Variants in PIAS2 observed in about 807,000 individuals in gnomAD.
PIAS2 encodes E3 SUMO-protein ligase PIAS2.
In PIAS2, 19 loss-of-function variants were observed where a neutral mutation model predicts 69.7. That is an observed-to-expected ratio of 0.27 (90% confidence interval 0.19 to 0.40). The LOEUF is 0.40. Ranked by LOEUF, PIAS2 falls within the 10% of genes least tolerant of loss-of-function variation. The pLI is 1.00. For missense variants in PIAS2, 624 were observed against 757.0 expected, an observed-to-expected ratio of 0.82 and a Z score of 2.06; for synonymous variants, 261 against 263.2, an observed-to-expected ratio of 0.99 and a Z score of 0.08.
intron 12 of PIAS2, chr18:46,816,509 GCT>G (rs2041560640): frequency 1.1e-6 from 1 of 901,950 alleles, no homozygotes; most frequent in Admixed American, 6.2e-5. Context: ...CACTGAGTCT[GCT>G]CTGTTGCCCA....
intron 1 of PIAS2, among the ~76,000 whole-genome samples, chr18:46,911,461 C>G (rs528794860): frequency 3.5e-4 from 53 of 152,120 alleles, no homozygotes; most frequent in Non-Finnish European, 5.3e-4. Context: ...GGCGATCCGC[C>G]TGCCTGGGCC....
intron 11 of PIAS2, among the ~76,000 whole-genome samples, chr18:46,824,025 G>A (rs1258384178): frequency 6.6e-6 from 1 of 152,194 alleles, no homozygotes; most frequent in Non-Finnish European, 1.5e-5. Context: ...ACTTGTTACT[G>A]CCTCTTCATA....
intron 1 of PIAS2, chr18:46,905,898 T>C (rs1283533013): frequency 1.3e-5 from 2 of 152,138 alleles, no homozygotes; most frequent in Admixed American, 6.5e-5. Context: ...AAAAGGTATA[T>C]TTTTTAACTA....
chr18:46,913,321 A>T (rs2057458411), intron 1 of PIAS2, among the ~76,000 whole-genome samples: 1 of 152,178 alleles, frequency 6.6e-6, no homozygotes, highest in Non-Finnish European at 1.5e-5. Context: ...AGAATTACTT[A>T]GGCTTCTTAG....
chr18:46,917,085 G>T (rs1328093435), intron 1 of PIAS2: 3 of 989,032 alleles, frequency 3.0e-6, no homozygotes, highest in Non-Finnish European at 3.6e-6. Flanking sequence ...ACCACTGGCA[G>T]CACTCAGGAG....
At chr18:46,861,889 T>C (rs888776768) in intron 3 of PIAS2, among the ~76,000 whole-genome samples, 1 of 152,148 alleles carries the variant, frequency 6.6e-6, no homozygotes, top group Non-Finnish European at 1.5e-5. Flanking sequence ...CTGAATAAAG[T>C]CTGTAGTTAA....
chr18:46,898,494 ACTCT>A (rs770372839), intron 1 of PIAS2, among the ~76,000 whole-genome samples: 1 of 152,102 alleles, frequency 6.6e-6, no homozygotes, highest in African/African-American at 2.4e-5. Flanking sequence ...AAATGACAAG[ACTCT>A]CTCTATTAGA....
chr18:46,807,448 G>A lies in PIAS2; in HGVS notation c.*4985C>T, dbSNP rs1197127361. On this transcript the variant is annotated 3_prime_UTR_variant, in exon 14 of 14. Transcript: ENST00000585916. ...TTTGTTACCCAGGCTGGAGTGCAGT[G>A]GCACAATCTCGGATCACTGCAAATC... The A allele has an allele frequency of 7.8e-6, 1 of 129,012 alleles. No individual in the cohort carries two copies. Among genetic ancestry groups the A allele is most frequent in the Non-Finnish European group, 1.6e-5 (1 of 63,628 alleles). The allele number at this position is 129,012 out of a possible 1,614,324, so 8.0% of individuals were successfully genotyped here.
intron 12 of PIAS2, chr18:46,815,726 A>G: frequency 6.0e-6 from 6 of 1,002,560 alleles, no homozygotes; most frequent in Non-Finnish European, 7.1e-6. Flanking sequence ...CTCTTAAGAT[A>G]TTTCACATTT....
chr18:46,828,231 CAT>C, intron 10 of PIAS2, 101 bp from the exon 11 acceptor site: 1 of 1,036,134 alleles, frequency 9.7e-7, no homozygotes, highest in East Asian at 2.6e-5. Flanking sequence ...TTCCTGACAA[CAT>C]ATAGCCAGTG....
Position 46,814,829 on chromosome 18 carries a change from C to T in PIAS2, c.1686+483G>A, listed in dbSNP as rs911077788. Among the ~76,000 whole-genome samples, 11 of 152,218 alleles carry T rather than the reference C, an allele frequency of 7.2e-5. 1 individual carries two copies. Among genetic ancestry groups the T allele is most frequent in the African/African-American group, 1.9e-4 (8 of 41,544 alleles). ...GGTTTCTCATCTTTGACAGAGAAAA[C>T]GGGGATGATTGACATATAGCAACTT... On this transcript the variant is annotated intron_variant, in intron 13 of 13. Coordinates refer to ENST00000585916, the MANE Select transcript of PIAS2 (RefSeq NM_004671.5).
chr18:46,847,887 A>AT (rs1344815737), intron 5 of PIAS2, among the ~76,000 whole-genome samples: 1 of 152,148 alleles, frequency 6.6e-6, no homozygotes, highest in Non-Finnish European at 1.5e-5. Flanking sequence ...AAAATAATAT[A>AT]TTTTTTAGAA....
rs1310023292 is a variant in PIAS2, at chr18:46,808,795, TAAAG to T, written c.*3634_*3637del. The T allele has an allele frequency of 6.8e-6, 1 of 147,620 alleles. No homozygotes were observed. The highest frequency in any genetic ancestry group is 1.5e-5 in the Non-Finnish European group (1 of 67,236). The allele number at this position is 147,620 out of a possible 1,614,324, so 9.1% of individuals were successfully genotyped here. On this transcript the variant is annotated 3_prime_UTR_variant, in exon 14 of 14. Coordinates refer to ENST00000585916, the MANE Select transcript of PIAS2 (RefSeq NM_004671.5). ...AAATTAAGAAAATAAAAATGTTTAC[TAAAG>T]AAAGAATGGTCCGGCTAAGTGCTTT... is the stretch of plus-strand genomic sequence containing the variant.
At chr18:46,835,823 A>AT (rs2044346666) in intron 9 of PIAS2, among the ~76,000 whole-genome samples, 1 of 152,142 alleles carries the variant, frequency 6.6e-6, no homozygotes. Context: ...ATGACGTGCA[A>AT]TTTTTAAAAA....
At chr18:46,898,267 C>T (rs1395890288) in intron 1 of PIAS2, among the ~76,000 whole-genome samples, 4 of 152,208 alleles carry the variant, frequency 2.6e-5, no homozygotes, top group Middle Eastern at 6.8e-3. Flanking sequence ...TTTGCCTCAG[C>T]CTCCCAAATA....
At chr18:46,886,021 G>T (rs1243739626) in intron 2 of PIAS2, among the ~76,000 whole-genome samples, 1 of 152,206 alleles carries the variant, frequency 6.6e-6, no homozygotes, top group Non-Finnish European at 1.5e-5. Context: ...GAAAAAAGCA[G>T]GAAGGTAAGG....
At chr18:46,881,176 A>G (rs576139155) in intron 2 of PIAS2, among the ~76,000 whole-genome samples, 1 of 151,636 alleles carries the variant, frequency 6.6e-6, no homozygotes, top group East Asian at 1.9e-4. Flanking sequence ...ATTACTTTCA[A>G]CCCCCTTCCT....
intron 2 of PIAS2, among the ~76,000 whole-genome samples, chr18:46,877,601 C>A (rs1329345717): frequency 1.3e-5 from 2 of 152,196 alleles, no homozygotes; most frequent in Non-Finnish European, 2.9e-5. Context: ...ACAGCCTCCC[C>A]CTTCCTACCT....
chr18:46,810,082 T>G lies in PIAS2; in HGVS notation c.*2351A>C, dbSNP rs1326268159. ...AATTTCAAGATGATAAACTTCAAAGTGTATTTTTTAAAATGCAAGTTGCCT... is the reference window on the plus strand; with the variant it reads ...AATTTCAAGATGATAAACTTCAAAGGGTATTTTTTAAAATGCAAGTTGCCT... On this transcript the variant is annotated 3_prime_UTR_variant, in exon 14 of 14. Coordinates refer to ENST00000585916, the MANE Select transcript of PIAS2 (RefSeq NM_004671.5). 1 of 152,294 alleles carries G rather than the reference T, an allele frequency of 6.6e-6. No homozygotes were observed. The highest frequency in any genetic ancestry group is 2.4e-5 in the African/African-American group (1 of 41,574). The allele number at this position is 152,294 out of a possible 1,614,324, so 9.4% of individuals were successfully genotyped here. A position where few individuals can be genotyped will look rare whatever the true frequency, so the allele number is the denominator to read the frequency against.
Sources: allele counts gnomAD v4.1 joint callset (sites outside exome capture counted in the v4.1 genomes callset), GRCh38; gene constraint gnomAD v4.1.1; transcripts MANE v1.5; gene names NCBI Gene and HGNC (gene_info 2026-07-23, HGNC 2026-07-21).